PNPLA6: variants seen among roughly 807,000 people sequenced by gnomAD.
The protein encoded by PNPLA6 is patatin-like phospholipase domain-containing protein 6.
A neutral mutation model predicts 153.7 loss-of-function variants in PNPLA6; 105 were observed. The observed-to-expected ratio is 0.68, with a 90% CI of 0.58 to 0.80. The LOEUF is 0.80. Among genes scored for constraint, PNPLA6 ranks in the 30% least tolerant of loss-of-function variants. PNPLA6 has a pLI of 0.00. For synonymous variants in PNPLA6, 825 were observed against 822.2 expected (o/e 1.00, Z -0.06); for missense variants, 1,423 against 1,919.3 (o/e 0.74, Z 4.83).
intron 13 of PNPLA6, among the ~76,000 whole-genome samples, chr19:7,544,608 G>A (rs2023305870): frequency 6.6e-6 from 1 of 152,100 alleles, no homozygotes. Context: ...GGGGGCTTGA[G>A]GTGACAGTGA....
chr19:7,557,229 C>T lies in PNPLA6; in HGVS notation c.3342C>T (p.Cys1114=), dbSNP rs972738687. 8 of 1,613,450 alleles carry T rather than the reference C, an allele frequency of 5.0e-6. No individual in the cohort carries two copies. The highest frequency in any genetic ancestry group is 4.5e-5 in the East Asian group (2 of 44,876). Residue 1114 remains cysteine, a synonymous_variant, in exon 27 of 32, where the codon TGC becomes TGT. Transcript: ENST00000600737. ...MTLSGYLPPL[C]DPKDGHLLMD... is the part of the protein sequence containing the mutation. ...TGTCGGGCTACCTGCCCCCGCTGTG[C>T]GACCCCAAGGACGGGCACCTACTCA...
chr19:7,539,365 GC>G (rs1401740842), intron 3 of PNPLA6, among the ~76,000 whole-genome samples: 2 of 151,970 alleles, frequency 1.3e-5, no homozygotes, highest in Non-Finnish European at 2.9e-5. Flanking sequence ...TGTAGTCCCA[GC>G]TACTTGGGAG....
chr19:7,547,942 T>A (rs934220233), intron 13 of PNPLA6, among the ~76,000 whole-genome samples: 2 of 150,812 alleles, frequency 1.3e-5, no homozygotes, highest in Non-Finnish European at 2.9e-5. Flanking sequence ...GGATTACAGT[T>A]GTGGGCCACC....
At position 7,550,131 on chromosome 19, in the gene PNPLA6, G is replaced by A. The variant is rs2023579476; in HGVS notation, c.1814+19G>A. On this transcript the variant is annotated intron_variant, in intron 14 of 31. Coordinates refer to ENST00000600737, the MANE Select transcript of PNPLA6 (RefSeq NM_001166114.2). ...TCTATGAGTATGACAGCCCGAAGTT[G>A]GAGTGTGGGTGGCACTCGGAGGACC... 1 of 1,613,786 alleles carries A rather than the reference G, an allele frequency of 6.2e-7. No individual in the cohort carries two copies. The highest frequency in any genetic ancestry group is 8.5e-7 in the Non-Finnish European group (1 of 1,179,902).
In PNPLA6 at chr19:7,549,794, A is replaced by ATTT. The variant is rs376530121; in HGVS notation, c.1609-110_1609-108dup. The ATTT allele has an allele frequency of 5.5e-5, 61 of 1,108,800 alleles. 1 individual carries two copies. The African/African-American group carries it at 7.9e-4, about 14-fold the overall frequency. The allele number at this position is 1,108,800 out of a possible 1,614,324, so 68.7% of individuals were successfully genotyped here. On this transcript the variant is annotated intron_variant, in intron 13 of 31. Transcript: ENST00000600737. ...GAGCCACCGCGCCCTGCGCCTTCAT[A>ATTT]TTTTTCTTAACCCTTCCTTTCTTCT...
intron 13 of PNPLA6, among the ~76,000 whole-genome samples, chr19:7,545,765 A>T (rs896689789): frequency 2.0e-5 from 3 of 152,032 alleles, no homozygotes; most frequent in Non-Finnish European, 4.4e-5. Context: ...TTCAAAAATT[A>T]GTCAGGCACG....
At position 7,560,869 on chromosome 19, in the gene PNPLA6, T is replaced by C. The variant is rs1297944271; in HGVS notation, c.3816+105T>C. 5.6e-6 allele frequency: 5 copies of C among 888,292 alleles called. No individual in the cohort carries two copies. In the Admixed American group the frequency reaches 9.7e-5, roughly 17 times the overall value. The allele number at this position is 888,292 out of a possible 1,614,324, so 55.0% of individuals were successfully genotyped here. A position where few individuals can be genotyped will look rare whatever the true frequency, so the allele number is the denominator to read the frequency against. On this transcript the variant is annotated intron_variant, in intron 29 of 31. Transcript: ENST00000600737. ...TCAGATGACCCCACATGTCCCTGGG[T>C]TTTGCTGAGCTCTCAGACCTCTGCT... is the stretch of plus-strand genomic sequence containing the variant.
intron 3 of PNPLA6, among the ~76,000 whole-genome samples, chr19:7,538,315 A>G (rs1353541750): frequency 6.6e-6 from 1 of 152,028 alleles, no homozygotes; most frequent in African/African-American, 2.4e-5. Context: ...TAAGTAGCTG[A>G]GACCATGGGC....
At position 7,543,041 on chromosome 19, in the gene PNPLA6, A is replaced by G. The variant is rs2023228785; in HGVS notation, c.1565A>G (p.His522Arg). ...PSLLNSRVLLHHAKAGTIIAR... is the reference protein window; with the variant it reads ...PSLLNSRVLLRHAKAGTIIAR... ...CTCCTGAACAGCAGAGTCTTGCTGC[A>G]CCACGCCAAAGCTGGCACCATCATT... is the stretch of plus-strand genomic sequence containing the variant. Residue 522 changes from histidine (H) to arginine (R), a missense_variant, in exon 13 of 32, where the codon CAC (histidine) becomes CGC (arginine). His to Arg is a conservative substitution (Grantham distance 29). This residue lies in a region of PNPLA6 where 119 missense variants were observed against 163.7 expected (regional missense o/e 0.73). Transcript: ENST00000600737. 1 of 1,613,774 alleles carries G rather than the reference A, an allele frequency of 6.2e-7. No homozygotes were observed. The highest frequency in any genetic ancestry group is 1.3e-5 in the African/African-American group (1 of 74,876).
Position 7,561,185 on chromosome 19 carries a change from T to C in PNPLA6, c.3914-23T>C, listed in dbSNP as rs62111319. On this transcript the variant is annotated intron_variant, in intron 30 of 31. Coordinates refer to ENST00000600737, the MANE Select transcript of PNPLA6 (RefSeq NM_001166114.2). Reference sequence around the variant, plus strand: ...GCAGGCCAGCCCCAATCCCCTCACCTGTGCCCTGCTCCCCGATTCCAGGAG... The same window carrying C: ...GCAGGCCAGCCCCAATCCCCTCACCCGTGCCCTGCTCCCCGATTCCAGGAG... The C allele has an allele frequency of 0.14, 218,021 of 1,593,818 alleles. 16,234 individuals are homozygous for C. Among genetic ancestry groups the C allele is most frequent in the African/African-American group, 0.24 (17,982 of 74,710 alleles).
At position 7,544,864 on chromosome 19, in the gene PNPLA6, TG is replaced by T. The variant is rs370907619; in HGVS notation, c.1608+1782del. Among the ~76,000 whole-genome samples the T allele has an allele frequency of 1.3e-4, 20 of 152,278 alleles. 1 individual carries two copies. The highest frequency in any genetic ancestry group is 4.8e-4 in the African/African-American group (20 of 41,554). ...TAGCTGAGGAAGTAAGGTTACCCTG[TG>T]GCTTCTTTGGGGGCCCCTGGGCCCT... On this transcript the variant is annotated intron_variant, in intron 13 of 31. Coordinates refer to ENST00000600737, the MANE Select transcript of PNPLA6 (RefSeq NM_001166114.2).
Position 7,554,533 on chromosome 19 carries a change from C to T in PNPLA6, c.2466-22C>T, listed in dbSNP as rs759299997. ...TGACCCCAGGCCAACCCCAGGATGA[C>T]GCTGCCCCCTTCCCACCCTAGCATC... On this transcript the variant is annotated intron_variant, in intron 20 of 31. Coordinates refer to ENST00000600737, the MANE Select transcript of PNPLA6 (RefSeq NM_001166114.2). The T allele has an allele frequency of 3.7e-6, 6 of 1,613,750 alleles. No homozygotes were observed. The Admixed American group carries it at 5.0e-5, about 13-fold the overall frequency.
chr19:7,535,644 G>C, upstream of PNPLA6: 3 of 1,561,358 alleles, frequency 1.9e-6, no homozygotes, highest in South Asian at 2.3e-5. This position sits in a 1 kb window ranked among gnomAD's most constrained non-coding sequence, Gnocchi z 5.0. Context: ...AACTCCCGGC[G>C]TGCTCAGCGC....
chr19:7,553,140 A>G (rs2023727696), intron 18 of PNPLA6, among the ~76,000 whole-genome samples: 1 of 152,220 alleles, frequency 6.6e-6, no homozygotes, highest in Non-Finnish European at 1.5e-5. Context: ...TAAGGAGGCA[A>G]CAAGAGGTCT....
At chr19:7,542,270 T>C (rs1264118724) in intron 10 of PNPLA6, among the ~76,000 whole-genome samples, 2 of 152,232 alleles carry the variant, frequency 1.3e-5, no homozygotes, top group African/African-American at 4.8e-5. Flanking sequence ...AGGCGTTGAT[T>C]AGTCATGTCT....
intron 27 of PNPLA6, 98 bp downstream of exon 27, chr19:7,557,382 C>T: frequency 1.3e-6 from 1 of 787,398 alleles, no homozygotes; most frequent in Non-Finnish European, 2.2e-6. Flanking sequence ...TGACGGGACA[C>T]ATGCCCAAGC....
chr19:7,552,766 AAAGAAAGAAAAAAAAAAAG>A (rs2023710053), intron 18 of PNPLA6, among the ~76,000 whole-genome samples: 1 of 101,326 alleles, frequency 9.9e-6, no homozygotes, highest in Admixed American at 1.1e-4. Context: ...AAAAAAAAAA[AAAGAAAGAAAAAAAAAAAG>A]AAAAGAAAAG....
At chr19:7,554,062 ATTAG>A in intron 19 of PNPLA6, 47 bp downstream of exon 19, 1 of 1,602,228 alleles carries the variant, frequency 6.2e-7, no homozygotes, top group Middle Eastern at 1.8e-4. Context: ...TGGGTGGGAC[ATTAG>A]TGAGTGAGAG....
In PNPLA6 at chr19:7,542,773, G is replaced by A. The variant is rs1263781626; in HGVS notation, c.1375G>A (p.Glu459Lys). The A allele has an allele frequency of 1.2e-6, 2 of 1,613,000 alleles. No homozygotes were observed. The highest frequency in any genetic ancestry group is 1.7e-6 in the Non-Finnish European group (2 of 1,179,936). The change falls in exon 12 of 32, where the codon GAG becomes AAG. Residue 459 changes from glutamate (E) to lysine (K), a missense_variant. Physicochemically the swap from Glu to Lys is moderately conservative, Grantham distance 56. This residue lies in a region of PNPLA6 where 267 missense variants were observed against 255.1 expected (regional missense o/e 1.05). Coordinates refer to ENST00000600737, the MANE Select transcript of PNPLA6 (RefSeq NM_001166114.2). ...CTGCCCCACTCAGACCCCCACTCAG[G>A]AGCCTCGTGAGCAGCCGGCAGGCGC... ...LAAPARTPTQ[E>K]PREQPAGACE...
Sources: allele counts gnomAD v4.1 joint callset (sites outside exome capture counted in the v4.1 genomes callset), GRCh38; gene constraint gnomAD v4.1.1; regional missense constraint gnomAD v4.1.1; non-coding constraint Gnocchi (gnomAD v3.1); transcripts MANE v1.5; gene names NCBI Gene and HGNC (gene_info 2026-07-23, HGNC 2026-07-21).